The following CMIP variants were observed in gnomAD, a reference collection of about 807,000 sequenced individuals.
CMIP encodes the protein c-Maf inducing protein.
A neutral mutation model predicts 97.3 loss-of-function variants in CMIP; 13 were observed. The ratio of observed to expected loss-of-function variants is 0.13; its 90% CI spans 0.09 to 0.21. CMIP has a LOEUF of 0.21. CMIP is among the 10% of genes least tolerant of loss of function. The probability of loss-of-function intolerance (pLI) is 1.00; values close to 1 mark genes in which losing one functional copy is unlikely to be tolerated. For synonymous variants in CMIP, 538 were observed against 436.3 expected (o/e 1.23, Z -2.91); for missense variants, 847 against 1,024.9 (o/e 0.83, Z 2.37).
intron 20 of CMIP, among the ~76,000 whole-genome samples, chr16:81,708,732 G>C (rs878879449): frequency 3.3e-5 from 5 of 152,184 alleles, no homozygotes; most frequent in Non-Finnish European, 7.3e-5. Flanking sequence ...ATCTAGATTC[G>C]TCTGTGAAGT....
chr16:81,627,771 G>A lies in CMIP; in HGVS notation c.477+6845G>A, dbSNP rs951380588. Among the ~76,000 whole-genome samples the A allele has an allele frequency of 2.6e-5, 4 of 152,178 alleles. No individual in the cohort carries two copies. Among genetic ancestry groups the A allele is most frequent in the Admixed American group, 2.0e-4 (3 of 15,286 alleles). On this transcript the variant is annotated intron_variant, in intron 3 of 20. Coordinates refer to ENST00000537098, the MANE Select transcript of CMIP (RefSeq NM_198390.3). The surrounding 1 kb of genome is among the most constrained non-coding windows in gnomAD (Gnocchi z 4.6). ...GTGCCAAAGCCAGATGCCTCCCAGC[G>A]AGGGTCACAATCTCGCTTCCACCTC...
intron 10 of CMIP, among the ~76,000 whole-genome samples, chr16:81,687,495 G>T (rs989458357): frequency 3.9e-5 from 6 of 152,326 alleles, no homozygotes; most frequent in Admixed American, 6.5e-5. Flanking sequence ...GAACCCAGGT[G>T]GGGGAACTGG....
At chr16:81,472,803 C>A (rs12102901) in intron 1 of CMIP, among the ~76,000 whole-genome samples, 7 of 152,130 alleles carry the variant, frequency 4.6e-5, no homozygotes, top group Admixed American at 2.6e-4. Context: ...CTGAGGTGCA[C>A]AGTGGGGTGT....
At chr16:81,618,127 C>T (rs1360314305) in intron 2 of CMIP, among the ~76,000 whole-genome samples, 1 of 152,180 alleles carries the variant, frequency 6.6e-6, no homozygotes, top group Non-Finnish European at 1.5e-5. Flanking sequence ...CTGCTTGCCC[C>T]TAACTTTGTG....
rs527391737 is a variant in CMIP at position 81,465,040 on chromosome 16, C to T, written c.300+19499C>T. ...CATTGGTGCAAGTATTTATTATCGC[C>T]CCTGCTTTTGGTTCTTTTGGATATA... On this transcript the variant is annotated intron_variant, in intron 1 of 20. Coordinates refer to ENST00000537098, the MANE Select transcript of CMIP (RefSeq NM_198390.3). 5.3e-5 allele frequency among the ~76,000 whole-genome samples: 8 copies of T among 152,212 alleles called. No homozygotes were observed. The South Asian group carries it at 8.3e-4, about 16-fold the overall frequency.
rs1166564233 is a variant in CMIP at position 81,453,242 on chromosome 16, G to A, written c.300+7701G>A. Among the ~76,000 whole-genome samples the A allele has an allele frequency of 3.9e-5, 6 of 152,208 alleles. No homozygotes were observed. Among genetic ancestry groups the A allele is most frequent in the Admixed American group, 3.3e-4 (5 of 15,284 alleles). On this transcript the variant is annotated intron_variant, in intron 1 of 20. Coordinates refer to ENST00000537098, the MANE Select transcript of CMIP (RefSeq NM_198390.3). The surrounding 1 kb of genome is among the most constrained non-coding windows in gnomAD (Gnocchi z 4.0). ...TACTGTCAGAAATGGTAGGGTGGACGGAGCGACTAAACTGATTGTGCTGGG... is the reference window on the plus strand; with the variant it reads ...TACTGTCAGAAATGGTAGGGTGGACAGAGCGACTAAACTGATTGTGCTGGG...
At chr16:81,591,481 T>A (rs1298663956) in intron 1 of CMIP, among the ~76,000 whole-genome samples, 1 of 152,166 alleles carries the variant, frequency 6.6e-6, no homozygotes, top group Non-Finnish European at 1.5e-5. Flanking sequence ...GGAGGAGCAC[T>A]ACTTAGCGAT....
rs142229313 is a variant in CMIP at position 81,456,015 on chromosome 16, C to G, written c.300+10474C>G. Among the ~76,000 whole-genome samples the G allele has an allele frequency of 3.0e-3, 454 of 152,334 alleles. 1 individual carries two copies. The highest frequency in any genetic ancestry group is 0.01 in the African/African-American group (426 of 41,572). ...GGTCTCAGCTGGCAGGTTACAGGGG[C>G]AGGTCTGCCCATTGGAAAGGGGAAT... On this transcript the variant is annotated intron_variant, in intron 1 of 20. Transcript: ENST00000537098.
At chr16:81,606,589 G>C (rs12716918) in intron 1 of CMIP, among the ~76,000 whole-genome samples, 75,445 of 151,970 alleles carry the variant, frequency 0.5, 19,166 homozygotes, top group East Asian at 0.72. Context: ...TACTAATAGC[G>C]TTTCTCATTC....
intron 1 of CMIP, among the ~76,000 whole-genome samples, chr16:81,578,645 G>A (rs775553813): frequency 6.6e-6 from 1 of 152,200 alleles, no homozygotes; most frequent in Non-Finnish European, 1.5e-5. Flanking sequence ...CTGGTGTGTA[G>A]GATGTTCTTC....
intron 1 of CMIP, among the ~76,000 whole-genome samples, chr16:81,600,091 C>G (rs2091632366): frequency 6.6e-6 from 1 of 151,666 alleles, no homozygotes; most frequent in African/African-American, 2.4e-5. Flanking sequence ...GCATCCTGAC[C>G]AACATGGTGA....
At chr16:81,477,312 A>T (rs1907986609) in intron 1 of CMIP, among the ~76,000 whole-genome samples, 2 of 151,902 alleles carry the variant, frequency 1.3e-5, no homozygotes, top group South Asian at 4.2e-4. Context: ...ACACCACCAC[A>T]CCCACGCCTG....
intron 1 of CMIP, among the ~76,000 whole-genome samples, chr16:81,575,932 A>G (rs138436048): frequency 6.6e-6 from 1 of 152,198 alleles, no homozygotes; most frequent in Admixed American, 6.5e-5. Flanking sequence ...AAACTGTAAG[A>G]CTTTTCAAAA....
chr16:81,596,998 C>T (rs910956793), intron 1 of CMIP, among the ~76,000 whole-genome samples: 10 of 152,212 alleles, frequency 6.6e-5, no homozygotes, highest in Admixed American at 5.9e-4. Flanking sequence ...ACCATACATT[C>T]TCATCATTTA....
intron 1 of CMIP, among the ~76,000 whole-genome samples, chr16:81,458,645 C>T (rs1021416288): frequency 6.6e-6 from 1 of 152,128 alleles, no homozygotes; most frequent in South Asian, 2.1e-4. Flanking sequence ...GAGGTGGAGG[C>T]GTTAAATCCC....
intron 3 of CMIP, among the ~76,000 whole-genome samples, chr16:81,642,285 G>A (rs972842346): frequency 6.6e-6 from 1 of 152,186 alleles, no homozygotes; most frequent in Non-Finnish European, 1.5e-5. Flanking sequence ...GGGCTGGTTT[G>A]TCTCATCTCT....
intron 15 of CMIP, 118 bp from the exon 16 acceptor site, chr16:81,701,542 C>G (rs1437757695): frequency 3.6e-6 from 5 of 1,404,276 alleles, no homozygotes; most frequent in Non-Finnish European, 5.0e-6. Context: ...ACAGCCGGGG[C>G]TGCAGAAAGG....
At chr16:81,498,644 C>G (rs1210981908) in intron 1 of CMIP, among the ~76,000 whole-genome samples, 3 of 152,208 alleles carry the variant, frequency 2.0e-5, no homozygotes, top group Non-Finnish European at 4.4e-5. Context: ...CACTTGCATA[C>G]CCCACGAGCA....
chr16:81,686,944 G>T (rs1258935800), intron 10 of CMIP, among the ~76,000 whole-genome samples: 1 of 152,100 alleles, frequency 6.6e-6, no homozygotes, highest in African/African-American at 2.4e-5. Context: ...CCCGTGGGTG[G>T]TGCCCAGGTG....
Sources: gnomAD v4.1 joint callset for allele counts (sites outside exome capture counted in the v4.1 genomes callset) on GRCh38, gnomAD v4.1.1 for gene constraint, Gnocchi (gnomAD v3.1) non-coding constraint, MANE v1.5 for transcripts, NCBI Gene and HGNC (gene_info 2026-07-23, HGNC 2026-07-21) for gene names.